Variants in TEX36 observed in about 807,000 individuals in gnomAD.
TEX36 encodes the protein testis expressed 36.
A neutral mutation model predicts 13.6 loss-of-function variants in TEX36; 12 were observed. The observed-to-expected ratio is 0.88, with a 90% CI of 0.56 to 1.43. TEX36 has a LOEUF of 1.43. Among genes scored for constraint, TEX36 ranks in the 40% most tolerant of loss-of-function variants. TEX36 has a pLI of 0.00. For synonymous variants in TEX36, 93 were observed against 83.0 expected (o/e 1.12, Z -0.65); for missense variants, 224 against 228.3 (o/e 0.98, Z 0.12).
At chr10:125,608,968 C>T (rs143328906) in intron 3 of TEX36, among the ~76,000 whole-genome samples, 2 of 110,952 alleles carry the variant, frequency 1.8e-5, no homozygotes, top group Non-Finnish European at 3.5e-5. Flanking sequence ...AACCCCACCT[C>T]TACTAAAAAA....
At position 125,658,129 on chromosome 10, in the gene TEX36, C is replaced by A. The variant is rs138601990; in HGVS notation, c.265-1933G>T. Among the ~76,000 whole-genome samples, 955 of 151,908 alleles carry A rather than the reference C, an allele frequency of 6.3e-3. 6 individuals are homozygous for A. The highest frequency in any genetic ancestry group is 0.021 in the African/African-American group (850 of 41,460). On this transcript the variant is annotated intron_variant, in intron 3 of 3. Transcript: ENST00000368821. Reference sequence around the variant, plus strand: ...TTCTCATATAAAGAAATAGATTCTTCGATTTTTTTTAAAACTCTGCTGCAT... The same window carrying A: ...TTCTCATATAAAGAAATAGATTCTTAGATTTTTTTTAAAACTCTGCTGCAT...
At chr10:125,647,977 G>A (rs772823001) in intron 3 of TEX36, among the ~76,000 whole-genome samples, 26 of 152,190 alleles carry the variant, frequency 1.7e-4, no homozygotes, top group Non-Finnish European at 2.5e-4. Context: ...CCATTGCTGA[G>A]GCTTGAGTAG....
chr10:125,668,025 G>A (rs1377416288), intron 1 of TEX36: 2 of 681,232 alleles, frequency 2.9e-6, no homozygotes, highest in African/African-American at 3.6e-5. Context: ...GCCCTTGGTT[G>A]TCAACAGAAA....
intron 3 of TEX36, among the ~76,000 whole-genome samples, chr10:125,616,366 A>G (rs1237325752): frequency 7.1e-6 from 1 of 141,192 alleles, no homozygotes; most frequent in Non-Finnish European, 1.5e-5. Context: ...AGTTCTTTTA[A>G]TTGTGATGTT....
At chr10:125,626,527 A>G (rs2569918) in intron 3 of TEX36, among the ~76,000 whole-genome samples, 33,365 of 152,162 alleles carry the variant, frequency 0.22, 5,775 homozygotes, top group African/African-American at 0.48. Context: ...CTTGCTCCAC[A>G]CAGAAGTGAA....
chr10:125,664,714 A>G (rs1380400336), intron 1 of TEX36, among the ~76,000 whole-genome samples: 1 of 152,212 alleles, frequency 6.6e-6, no homozygotes, highest in Non-Finnish European at 1.5e-5. Flanking sequence ...CTCCCCAGCC[A>G]TACAGAACTG....
chr10:125,675,505 G>A (rs1454613952), intron 1 of TEX36, among the ~76,000 whole-genome samples: 2 of 152,174 alleles, frequency 1.3e-5, no homozygotes, highest in Non-Finnish European at 2.9e-5. Flanking sequence ...CTCTGTGCTT[G>A]GGACCTAAGG....
intron 2 of TEX36, among the ~76,000 whole-genome samples, 155 bp from the exon 3 acceptor site, chr10:125,661,256 G>A (rs144902097): frequency 6.6e-6 from 1 of 152,154 alleles, no homozygotes; most frequent in Non-Finnish European, 1.5e-5. Context: ...GACACAGGAG[G>A]GGGAGGATAT....
chr10:125,643,667 C>T (rs151256013), intron 3 of TEX36, among the ~76,000 whole-genome samples: 1,572 of 151,754 alleles, frequency 0.01, 11 homozygotes, highest in Middle Eastern at 0.034. Context: ...GCATGAACTC[C>T]AGAGGTGGAG....
intron 3 of TEX36, among the ~76,000 whole-genome samples, chr10:125,603,456 C>G (rs1323638892): frequency 1.3e-5 from 2 of 152,102 alleles, no homozygotes; most frequent in African/African-American, 4.8e-5. Context: ...TGGTCCTTGC[C>G]CCCGCCACCC....
chr10:125,577,530 A>T lies in TEX36; in HGVS notation c.265-656T>A, dbSNP rs144063307. 5.1e-3 allele frequency among the ~76,000 whole-genome samples: 773 copies of T among 152,336 alleles called. 11 individuals carry two copies. Among genetic ancestry groups the T allele is most frequent in the African/African-American group, 0.017 (707 of 41,588 alleles). On this transcript the variant is annotated intron_variant, in intron 3 of 3. Transcript: ENST00000532135. ...AAGAACACACACAAAAAAATTGAAT[A>T]TAAGTATTCATTATTTTAAATCATA...
At chr10:125,655,172 C>T (rs529147971), downstream of TEX36, among the ~76,000 whole-genome samples, 3 of 152,078 alleles carry the variant, frequency 2.0e-5, no homozygotes, top group Admixed American at 6.6e-5. Flanking sequence ...AGGCCAGGCG[C>T]GGTGGCTCAT....
At chr10:125,665,695 T>C (rs1847110043) in intron 1 of TEX36, among the ~76,000 whole-genome samples, 1 of 152,222 alleles carries the variant, frequency 6.6e-6, no homozygotes, top group African/African-American at 2.4e-5. Context: ...TCTGGCTCTT[T>C]TTTATTCCAT....
chr10:125,649,392 A>G (rs1423029745), intron 3 of TEX36, among the ~76,000 whole-genome samples: 4 of 152,240 alleles, frequency 2.6e-5, no homozygotes, highest in African/African-American at 9.6e-5. Flanking sequence ...TTTCACATCC[A>G]GCCAAACTAA....
chr10:125,645,911 T>C (rs1846761596), intron 3 of TEX36, among the ~76,000 whole-genome samples: 1 of 152,216 alleles, frequency 6.6e-6, no homozygotes, highest in Admixed American at 6.5e-5. Context: ...AAATTTTCAG[T>C]AAGCAGAAAT....
chr10:125,594,107 AC>A (rs1440919791), intron 3 of TEX36, among the ~76,000 whole-genome samples: 4 of 152,094 alleles, frequency 2.6e-5, no homozygotes, highest in Admixed American at 2.0e-4. Context: ...ACGTAGAAGG[AC>A]CCAGCTGCCA....
chr10:125,657,390 A>G (rs1846965464), intron 3 of TEX36, among the ~76,000 whole-genome samples: 1 of 152,146 alleles, frequency 6.6e-6, no homozygotes. Flanking sequence ...CCAGAACCAG[A>G]GTAGGGAGAA....
intron 3 of TEX36, among the ~76,000 whole-genome samples, chr10:125,602,216 C>T (rs1366834667): frequency 1.3e-5 from 2 of 152,152 alleles, no homozygotes; most frequent in Non-Finnish European, 2.9e-5. Context: ...CTGGTTTATG[C>T]GGGGTATGAG....
intron 1 of TEX36, chr10:125,668,041 C>T: frequency 1.5e-6 from 1 of 654,372 alleles, no homozygotes; most frequent in Non-Finnish European, 2.8e-6. Flanking sequence ...AGAAATAAAT[C>T]TTTGGCCAGG....
Sources: gnomAD v4.1 joint callset for allele counts (sites outside exome capture counted in the v4.1 genomes callset) on GRCh38, gnomAD v4.1.1 for gene constraint, MANE v1.5 for transcripts, NCBI Gene and HGNC (gene_info 2026-07-23, HGNC 2026-07-21) for gene names.